Variants in C5AR1 observed in about 807,000 individuals in gnomAD.
C5AR1 encodes the protein complement C5a receptor 1.
A neutral mutation model predicts 2.4 loss-of-function variants in C5AR1; 4 were observed. The observed-to-expected ratio is 1.65, with a 90% CI of 0.81 to 3.77. The LOEUF is 3.77. Among genes scored for constraint, C5AR1 ranks in the 30% most tolerant of loss-of-function variants. C5AR1 has a pLI of 0.01. For synonymous variants in C5AR1, 209 were observed against 210.4 expected, an observed-to-expected ratio of 0.99 and a Z score of 0.06; for missense variants, 418 against 462.5, an observed-to-expected ratio of 0.90 and a Z score of 0.88.
Position 47,320,515 on chromosome 19 carries a change from A to G in C5AR1, c.738A>G (p.Ala246=). The G allele has an allele frequency of 1.2e-6, 2 of 1,613,894 alleles. No homozygotes were observed. Among genetic ancestry groups the G allele is most frequent in the African/African-American group, 2.7e-5 (2 of 74,976 alleles). The change falls in exon 2 of 2, where the codon GCA becomes GCG. Residue 246 remains alanine (A), a synonymous_variant. Coordinates refer to ENST00000355085, the MANE Select transcript of C5AR1 (RefSeq NM_001736.4). This position sits in a 1 kb window ranked among gnomAD's most constrained non-coding sequence, Gnocchi z 4.9. ...RSTKTLKVVV[A]VVASFFIFWL... The stretch of plus-strand genomic sequence containing the variant: ...CCAAGACACTCAAGGTGGTGGTGGC[A>G]GTGGTGGCCAGTTTCTTTATCTTCT...
At chr19:47,309,217 G>A (rs145853873), upstream of C5AR1, among the ~76,000 whole-genome samples, 25 of 152,238 alleles carry the variant, frequency 1.6e-4, no homozygotes, top group African/African-American at 6.0e-4. Flanking sequence ...CCCAAGGGAG[G>A]GGTTTAAGCC....
At chr19:47,318,402 T>C (rs1248452582) in intron 1 of C5AR1, among the ~76,000 whole-genome samples, 1 of 151,908 alleles carries the variant, frequency 6.6e-6, no homozygotes, top group Non-Finnish European at 1.5e-5. Flanking sequence ...CAAGTGATTC[T>C]CCTGCCTCAG....
intron 1 of C5AR1, among the ~76,000 whole-genome samples, chr19:47,314,546 C>T (rs1487553738): frequency 8.0e-5 from 12 of 150,890 alleles, no homozygotes; most frequent in Non-Finnish European, 1.5e-4. Flanking sequence ...TACAGGCGCA[C>T]GCCACCACTC....
chr19:47,317,852 G>T (rs1473754936), intron 1 of C5AR1, among the ~76,000 whole-genome samples: 1 of 151,788 alleles, frequency 6.6e-6, no homozygotes, highest in Non-Finnish European at 1.5e-5. Flanking sequence ...GTGGTGGCAG[G>T]TGCCTTTAGT....
At chr19:47,318,766 C>T (rs890265914) in intron 1 of C5AR1, among the ~76,000 whole-genome samples, 1 of 152,012 alleles carries the variant, frequency 6.6e-6, no homozygotes, top group Admixed American at 6.6e-5. Flanking sequence ...ACACAGATTT[C>T]ACCTACAAGG....
At chr19:47,309,459 C>T (rs1260833097), upstream of C5AR1, among the ~76,000 whole-genome samples, 1 of 151,576 alleles carries the variant, frequency 6.6e-6, no homozygotes, top group Admixed American at 6.6e-5. Flanking sequence ...CGTGTAATCC[C>T]AGCTACTCGG....
intron 1 of C5AR1, among the ~76,000 whole-genome samples, chr19:47,319,120 G>A (rs1327987658): frequency 2.0e-5 from 3 of 151,010 alleles, no homozygotes; most frequent in Admixed American, 6.6e-5. Flanking sequence ...TCCTGACCTC[G>A]TGATCCACCC....
At chr19:47,314,068 G>A (rs1398243642) in intron 1 of C5AR1, among the ~76,000 whole-genome samples, 3 of 152,248 alleles carry the variant, frequency 2.0e-5, no homozygotes, top group African/African-American at 7.2e-5. Context: ...CTAAGCCACC[G>A]TCATGCCTCA....
At chr19:47,316,285 T>C (rs1361341265) in intron 1 of C5AR1, among the ~76,000 whole-genome samples, 12 of 152,032 alleles carry the variant, frequency 7.9e-5, no homozygotes, top group African/African-American at 2.9e-4. Context: ...CCATTATCTA[T>C]GTATCTATCA....
intron 1 of C5AR1, among the ~76,000 whole-genome samples, chr19:47,315,641 AG>A (rs1023065115): frequency 9.2e-5 from 14 of 152,140 alleles, no homozygotes; most frequent in African/African-American, 3.4e-4. Context: ...TCCCCTGGGC[AG>A]GGTCTAGGGC....
At position 47,320,700 on chromosome 19, in the gene C5AR1, A is replaced by G. The variant is rs777020089; in HGVS notation, c.923A>G (p.Gln308Arg). ...IIYVVAGQGF[Q>R]GRLRKSLPSL... Reference sequence around the variant, plus strand: ...TACGTGGTGGCCGGCCAGGGCTTCCAGGGCCGACTGCGGAAATCCCTCCCC... The same window carrying G: ...TACGTGGTGGCCGGCCAGGGCTTCCGGGGCCGACTGCGGAAATCCCTCCCC... The change falls in exon 2 of 2, where the codon CAG becomes CGG. Residue 308 changes from glutamine to arginine, a missense_variant. By Grantham distance (43) the Gln-to-Arg change is conservative (BLOSUM62 1). Transcript: ENST00000355085. This position sits in a 1 kb window ranked among gnomAD's most constrained non-coding sequence, Gnocchi z 4.9. 6.2e-7 allele frequency: 1 copy of G among 1,614,140 alleles called. No homozygotes were observed. Among genetic ancestry groups the G allele is most frequent in the South Asian group, 1.1e-5 (1 of 91,080 alleles).
At chr19:47,309,378 A>G (rs1409363891), upstream of C5AR1, among the ~76,000 whole-genome samples, 2 of 152,072 alleles carry the variant, frequency 1.3e-5, no homozygotes, top group Non-Finnish European at 2.9e-5. Context: ...GTTTGAGTCC[A>G]GCCTGGCCAA....
At chr19:47,314,474 T>A (rs1439195938) in intron 1 of C5AR1, among the ~76,000 whole-genome samples, 1 of 152,204 alleles carries the variant, frequency 6.6e-6, no homozygotes, top group Admixed American at 6.6e-5. Context: ...CTCGGCTCAC[T>A]GTAGCCTCCA....
At position 47,320,849 on chromosome 19, in the gene C5AR1, A is replaced by G; in HGVS notation, c.*19A>G. 1 of 1,580,950 alleles carries G rather than the reference A, an allele frequency of 6.3e-7. No individual in the cohort carries two copies. ...AGTGTAGGCGACAGCCTCATGGGCC[A>G]CTGTGGCCCGATGTCCCCTTCCTTC... On this transcript the variant is annotated 3_prime_UTR_variant, in exon 2 of 2. Transcript: ENST00000355085. This position sits in a 1 kb window ranked among gnomAD's most constrained non-coding sequence, Gnocchi z 4.9.
intron 1 of C5AR1, among the ~76,000 whole-genome samples, chr19:47,317,524 A>ATT (rs2059293882): frequency 7.0e-6 from 1 of 143,276 alleles, no homozygotes; most frequent in Non-Finnish European, 1.5e-5. Flanking sequence ...AAAAAAATAT[A>ATT]TATATATATA....
chr19:47,316,592 C>G (rs972653595), intron 1 of C5AR1: 1 of 152,104 alleles, frequency 6.6e-6, no homozygotes, highest in African/African-American at 2.4e-5. Context: ...AGGTGCGCGC[C>G]AACACTCTGG....
intron 1 of C5AR1, among the ~76,000 whole-genome samples, chr19:47,318,299 CTT>C (rs527428633): frequency 2.8e-5 from 4 of 143,772 alleles, no homozygotes; most frequent in East Asian, 2.0e-4. Flanking sequence ...TTTTTTCTTT[CTT>C]TTTTTTTTTT....
At chr19:47,308,575 A>C (rs1253923881), upstream of C5AR1, among the ~76,000 whole-genome samples, 1 of 136,412 alleles carries the variant, frequency 7.3e-6, no homozygotes, top group Admixed American at 7.9e-5. Flanking sequence ...TTTTTTTGAG[A>C]TTGAGTCTTG....
intron 1 of C5AR1, among the ~76,000 whole-genome samples, chr19:47,319,304 A>ATTTTTTT (rs34731685): frequency 6.4e-5 from 6 of 94,138 alleles, no homozygotes; most frequent in Admixed American, 1.5e-4. Flanking sequence ...GAATCATTTC[A>ATTTTTTT]TTTTTTTTTT....
Sources: gnomAD v4.1 joint callset for allele counts (sites outside exome capture counted in the v4.1 genomes callset) on GRCh38, gnomAD v4.1.1 for gene constraint, Gnocchi (gnomAD v3.1) non-coding constraint, MANE v1.5 for transcripts, NCBI Gene and HGNC (gene_info 2026-07-23, HGNC 2026-07-21) for gene names.